Variants in RALYL observed in about 807,000 individuals in gnomAD.
RALYL encodes RNA-binding Raly-like protein.
In RALYL, 29 loss-of-function variants were observed where a neutral mutation model predicts 35.1. The ratio of observed to expected loss-of-function variants is 0.83; its 90% CI spans 0.61 to 1.13. The LOEUF (loss-of-function observed/expected upper bound fraction) is 1.13, where lower values mean the gene tolerates loss of function less well. Among genes scored for constraint, RALYL ranks in the 50% most tolerant of loss-of-function variants. The probability of loss-of-function intolerance (pLI) is 0.00; values close to 1 mark genes in which losing one functional copy is unlikely to be tolerated. For synonymous variants in RALYL, 120 were observed against 127.6 expected (o/e 0.94, Z 0.40); for missense variants, 359 against 360.4 (o/e 1.00, Z 0.03).
intron 4 of RALYL, among the ~76,000 whole-genome samples, chr8:84,839,429 C>A (rs1168936137): frequency 1.3e-5 from 2 of 152,210 alleles, no homozygotes; most frequent in African/African-American, 4.8e-5. Flanking sequence ...GGAGGGATGC[C>A]CGCCATTGCC....
intron 2 of RALYL, among the ~76,000 whole-genome samples, chr8:84,622,030 A>C (rs559142716): frequency 1.3e-5 from 2 of 152,234 alleles, no homozygotes; most frequent in African/African-American, 4.8e-5. Flanking sequence ...CAATAATTTA[A>C]CTTAAATGTT....
chr8:84,312,740 C>T (rs1358650098), intron 1 of RALYL, among the ~76,000 whole-genome samples: 1 of 152,200 alleles, frequency 6.6e-6, no homozygotes, highest in Non-Finnish European at 1.5e-5. Context: ...AGTGTAAAGC[C>T]CTGGTGGCTG....
intron 1 of RALYL, among the ~76,000 whole-genome samples, chr8:84,347,398 C>A (rs1385729108): frequency 6.6e-6 from 1 of 151,984 alleles, no homozygotes; most frequent in Non-Finnish European, 1.5e-5. Flanking sequence ...TCTATGGTAT[C>A]TCTGACCTCA....
At chr8:84,214,430 A>G (rs1417163475) in intron 1 of RALYL, among the ~76,000 whole-genome samples, 3 of 152,178 alleles carry the variant, frequency 2.0e-5, no homozygotes, top group African/African-American at 4.8e-5. Flanking sequence ...TAGAGAATAT[A>G]TAATATTTGC....
intron 1 of RALYL, among the ~76,000 whole-genome samples, chr8:84,280,750 TATATAA>T (rs1402667366): frequency 6.7e-6 from 1 of 149,998 alleles, no homozygotes; most frequent in African/African-American, 2.4e-5. Context: ...ATATAACACA[TATATAA>T]ATATATATAA....
At chr8:84,903,325 C>A (rs185179744) in intron 8 of RALYL, among the ~76,000 whole-genome samples, 87 of 152,230 alleles carry the variant, frequency 5.7e-4, no homozygotes, top group Middle Eastern at 3.4e-3. Context: ...ACATAATTAT[C>A]TTATTTAAAG....
intron 1 of RALYL, among the ~76,000 whole-genome samples, chr8:84,288,058 G>T (rs1585963064): frequency 6.6e-6 from 1 of 152,172 alleles, no homozygotes; most frequent in Non-Finnish European, 1.5e-5. Context: ...AAGCCCACAG[G>T]CTGAGTGTCA....
intron 1 of RALYL, among the ~76,000 whole-genome samples, chr8:84,284,331 G>A (rs901716643): frequency 2.0e-5 from 3 of 152,060 alleles, no homozygotes; most frequent in Non-Finnish European, 4.4e-5. Flanking sequence ...AAAATTGCTC[G>A]GTTTGAAAGA....
At chr8:84,317,963 TTC>T (rs1297103247) in intron 1 of RALYL, among the ~76,000 whole-genome samples, 8 of 152,320 alleles carry the variant, frequency 5.3e-5, no homozygotes, top group African/African-American at 1.4e-4. Context: ...CACCAATATT[TTC>T]TGTTTTTCCT....
At chr8:84,290,258 T>C (rs1310297182) in intron 1 of RALYL, among the ~76,000 whole-genome samples, 15 of 152,140 alleles carry the variant, frequency 9.9e-5, no homozygotes, top group Admixed American at 5.9e-4. Context: ...AATTGTTACA[T>C]TAAATATTCT....
At chr8:84,406,701 A>G (rs1324770787) in intron 1 of RALYL, among the ~76,000 whole-genome samples, 2 of 152,074 alleles carry the variant, frequency 1.3e-5, no homozygotes, top group Non-Finnish European at 2.9e-5. Flanking sequence ...TTCGACTACC[A>G]TGGGCCCTAG....
chr8:84,215,538 GTT>G (rs35692746), intron 1 of RALYL, among the ~76,000 whole-genome samples: 12 of 146,964 alleles, frequency 8.2e-5, no homozygotes, highest in African/African-American at 2.0e-4. Context: ...TATGCATAAG[GTT>G]TTTTTTTTTA....
chr8:84,184,829 G>C, intron 1 of RALYL: 1 of 696,084 alleles, frequency 1.4e-6, no homozygotes, highest in South Asian at 1.7e-5. Context: ...GCCGTCGGGC[G>C]GGCTAGAGGG....
intron 2 of RALYL, among the ~76,000 whole-genome samples, chr8:84,681,425 A>G (rs1387121009): frequency 1.3e-5 from 2 of 151,730 alleles, no homozygotes; most frequent in Admixed American, 1.3e-4. Flanking sequence ...CATTGAATCT[A>G]TAAATTACCT....
At chr8:84,372,066 C>T (rs1295015227) in intron 1 of RALYL, among the ~76,000 whole-genome samples, 1 of 151,978 alleles carries the variant, frequency 6.6e-6, no homozygotes, top group Non-Finnish European at 1.5e-5. Context: ...GAGTGCTTGG[C>T]AACAAATGAA....
At position 84,735,811 on chromosome 8, in the gene RALYL, C is replaced by CGAGAGAGAGA. The variant is rs59842702; in HGVS notation, c.257-38739_257-38730dup. 4.8e-3 allele frequency among the ~76,000 whole-genome samples: 540 copies of CGAGAGAGAGA among 111,360 alleles called. 8 individuals are homozygous for CGAGAGAGAGA. Among genetic ancestry groups the CGAGAGAGAGA allele is most frequent in the South Asian group, 0.01 (35 of 3,352 alleles). The allele number at this position is 111,360 out of a possible 152,430, so 73.1% of individuals were successfully genotyped here. ...CCATTCCTTAAGATCATCCAAACCG[C>CGAGAGAGAGA]GAGAGAGAGAGAGAGAGAGAGAGAG... is the stretch of plus-strand genomic sequence containing the variant. On this transcript the variant is annotated intron_variant, in intron 2 of 8. Transcript: ENST00000521268.
intron 3 of RALYL, among the ~76,000 whole-genome samples, chr8:84,781,352 T>TC (rs1466102322): frequency 4.6e-5 from 7 of 152,180 alleles, no homozygotes; most frequent in African/African-American, 1.4e-4. Flanking sequence ...TTTAAAATGT[T>TC]CAAAAAAGTG....
intron 1 of RALYL, among the ~76,000 whole-genome samples, chr8:84,371,148 A>G (rs942989052): frequency 7.2e-5 from 11 of 152,004 alleles, no homozygotes; most frequent in African/African-American, 2.7e-4. Context: ...AAGCAGATTC[A>G]TTACATCCAC....
chr8:84,609,428 G>A (rs1378523867), intron 2 of RALYL, among the ~76,000 whole-genome samples: 1 of 152,084 alleles, frequency 6.6e-6, no homozygotes, highest in African/African-American at 2.4e-5. Flanking sequence ...GGAACTCAGT[G>A]CATGAGAATT....
Sources: allele counts gnomAD v4.1 joint callset (sites outside exome capture counted in the v4.1 genomes callset), GRCh38; gene constraint gnomAD v4.1.1; transcripts MANE v1.5; gene names NCBI Gene and HGNC (gene_info 2026-07-23, HGNC 2026-07-21).